ZNF106: variants seen among roughly 807,000 people sequenced by gnomAD.
The protein encoded by ZNF106 is SH3-domain binding protein 3.
Under a neutral mutation model 195.1 loss-of-function variants are expected in ZNF106, and 67 were observed. The ratio of observed to expected loss-of-function variants is 0.34; its 90% CI spans 0.28 to 0.42. The LOEUF (loss-of-function observed/expected upper bound fraction) is 0.42. ZNF106 is among the 10% of genes least tolerant of loss of function. The pLI is 1.00. For missense variants in ZNF106, 2,118 were observed against 2,304.5 expected (o/e 0.92, Z 1.66); for synonymous variants, 784 against 818.6 (o/e 0.96, Z 0.72).
chr15:42,477,135 A>G (rs187248532), intron 1 of ZNF106, among the ~76,000 whole-genome samples: 10 of 152,124 alleles, frequency 6.6e-5, no homozygotes, highest in Non-Finnish European at 1.5e-4. Flanking sequence ...CTTTTCAAAG[A>G]CCAGTTTTGT....
rs546538541 is a variant in ZNF106, at chr15:42,431,454, G to A, written c.4882-3320C>T. On this transcript the variant is annotated intron_variant, in intron 14 of 21. Transcript: ENST00000564754. Reference sequence around the variant, plus strand: ...GTTGCCCAGGCTGGAGTACAGTGGTGCAAATCTCAGCTCACTGCAACCTCC... The same window carrying A: ...GTTGCCCAGGCTGGAGTACAGTGGTACAAATCTCAGCTCACTGCAACCTCC... 2.7e-5 allele frequency among the ~76,000 whole-genome samples: 4 copies of A among 148,932 alleles called. No homozygotes were observed. In the South Asian group the frequency reaches 8.5e-4, roughly 32 times the overall value.
chr15:42,444,259 T>C lies in ZNF106; in HGVS notation c.3364A>G (p.Thr1122Ala). The stretch of plus-strand genomic sequence containing the variant: ...GTCCTCAGTGCACTCATCTCCATAG[T>C]TATCTAAAAATAAAGTATTTTATTA... ...QRLLMLKQQI[T>A]MEMSALRTHR... Residue 1122 changes from threonine (T) to alanine (A), a missense_variant, in exon 9 of 22, where the codon ACT becomes GCT. Physicochemically the swap from Thr to Ala is moderately conservative, Grantham distance 58. Transcript: ENST00000564754. 6.2e-7 allele frequency: 1 copy of C among 1,606,896 alleles called. No individual in the cohort carries two copies. The highest frequency in any genetic ancestry group is 8.5e-7 in the Non-Finnish European group (1 of 1,175,154).
At chr15:42,427,779 C>T (rs965007411) in intron 15 of ZNF106, 8 of 342,772 alleles carry the variant, frequency 2.3e-5, no homozygotes, top group Middle Eastern at 8.8e-4. Context: ...CCCAAATCTT[C>T]AGACTTGGTT....
At chr15:42,431,693 C>T (rs1307782674) in intron 14 of ZNF106, among the ~76,000 whole-genome samples, 1 of 152,122 alleles carries the variant, frequency 6.6e-6, no homozygotes, top group Non-Finnish European at 1.5e-5. Flanking sequence ...AGGCTGGTCT[C>T]AAACTCCTGA....
rs138735547 is a variant in ZNF106, at chr15:42,466,853, G to A, written c.55-739C>T. The stretch of plus-strand genomic sequence containing the variant: ...AGCTGCCACTTAAAAACATGCACAC[G>A]GCTGGGCGTGGTGGGTCACACCTGT... On this transcript the variant is annotated intron_variant, in intron 2 of 21. Coordinates refer to ENST00000564754, the MANE Select transcript of ZNF106 (RefSeq NM_001366845.3). Among the ~76,000 whole-genome samples the A allele has an allele frequency of 8.5e-3, 1,293 of 152,144 alleles. 6 individuals are homozygous for A. Among genetic ancestry groups the A allele is most frequent in the Non-Finnish European group, 0.011 (763 of 68,016 alleles).
chr15:42,475,915 T>G (rs184227249), intron 1 of ZNF106, among the ~76,000 whole-genome samples: 61 of 152,188 alleles, frequency 4.0e-4, no homozygotes, highest in African/African-American at 1.4e-3. Flanking sequence ...ACTGTGGAGT[T>G]TTTATATATT....
chr15:42,424,243 T>G, intron 16 of ZNF106, 183 bp from the exon 17 acceptor site: 1 of 559,990 alleles, frequency 1.8e-6, no homozygotes. Flanking sequence ...CCAAGCATGC[T>G]AATGAACTGA....
intron 2 of ZNF106, among the ~76,000 whole-genome samples, chr15:42,466,959 C>A (rs995944700): frequency 6.6e-6 from 1 of 151,952 alleles, no homozygotes; most frequent in African/African-American, 2.4e-5. Context: ...ATGATGAAAC[C>A]CCGTCTCTAC....
intron 14 of ZNF106, among the ~76,000 whole-genome samples, chr15:42,434,931 G>A (rs1486272364): frequency 1.3e-5 from 2 of 152,050 alleles, no homozygotes; most frequent in Non-Finnish European, 2.9e-5. Flanking sequence ...GCACCACCAT[G>A]CCTGGCTAAT....
chr15:42,419,037 G>A (rs1168066679), intron 20 of ZNF106, among the ~76,000 whole-genome samples: 1 of 142,252 alleles, frequency 7.0e-6, no homozygotes, highest in Non-Finnish European at 1.5e-5. Flanking sequence ...ACCAGCCTGG[G>A]CAACATAGTG....
chr15:42,466,598 T>G (rs1440563740), intron 2 of ZNF106, among the ~76,000 whole-genome samples: 1 of 152,216 alleles, frequency 6.6e-6, no homozygotes, highest in African/African-American at 2.4e-5. Context: ...TGAATGAATA[T>G]AGATGGATAC....
At position 42,421,987 on chromosome 15, in the gene ZNF106, G is replaced by T; in HGVS notation, c.5375C>A (p.Ser1792Tyr). The T allele has an allele frequency of 6.4e-7, 1 of 1,569,482 alleles. No individual in the cohort carries two copies. ...DKFVRVYELQ[S>Y]HDRLQVYGGH... ...TCCATAAACTTGTAATCGATCATGA[G>T]ACTTAGGCAGAAAAAAAAAAAGAGA... Residue 1792 changes from serine (S) to tyrosine (Y), a missense_variant and splice_region_variant, in exon 19 of 22, where the codon TCT (serine) becomes TAT (tyrosine). Coordinates refer to ENST00000564754, the MANE Select transcript of ZNF106 (RefSeq NM_001366845.3).
chr15:42,442,463 A>C, intron 9 of ZNF106, 49 bp from the exon 10 acceptor site: 1 of 1,490,636 alleles, frequency 6.7e-7, no homozygotes, highest in Admixed American at 2.1e-5. Context: ...GTTATCTGAA[A>C]AGTCATTTGT....
rs765918218 is a variant in ZNF106 at position 42,451,183 on chromosome 15, A to G, written c.1089T>C (p.Ser363=). Residue 363 remains serine (S), a synonymous_variant, in exon 5 of 22, where the codon AGT becomes AGC. Transcript: ENST00000564754. ...AGCGACGAGGCTTTTCCCTTGCCGC[A>G]CTGCCATTCTTTCCACTAACTTTGG... The part of the protein sequence containing the change: ...ATSKVSGKNG[S]AAREKPRRWT... 4 of 1,614,038 alleles carry G rather than the reference A, an allele frequency of 2.5e-6. No homozygotes were observed. The highest frequency in any genetic ancestry group is 1.7e-6 in the Non-Finnish European group (2 of 1,180,032).
At chr15:42,476,360 A>G (rs2056785075) in intron 1 of ZNF106, among the ~76,000 whole-genome samples, 1 of 152,226 alleles carries the variant, frequency 6.6e-6, no homozygotes, top group Admixed American at 6.5e-5. Context: ...AGGCCCTGAC[A>G]AAGACTAGAA....
rs878984643 is a variant in ZNF106 at position 42,435,582 on chromosome 15, C to T, written c.4747-64G>A. 12 of 1,593,798 alleles carry T rather than the reference C, an allele frequency of 7.5e-6. No homozygotes were observed. In the South Asian group the frequency reaches 1.2e-4, roughly 16 times the overall value. ...TATAGGAGGATTAGATAATATATTT[C>T]CTCAACAAAAAGATGCTAAAACATT... is the stretch of plus-strand genomic sequence containing the variant. On this transcript the variant is annotated intron_variant, in intron 13 of 21. Coordinates refer to ENST00000564754, the MANE Select transcript of ZNF106 (RefSeq NM_001366845.3).
At chr15:42,439,880 ACT>A (rs979955367) in intron 10 of ZNF106, 67 bp from the exon 11 acceptor site, 43 of 1,424,972 alleles carry the variant, frequency 3.0e-5, no homozygotes, top group Non-Finnish European at 3.9e-5. Context: ...ACTGACTGAA[ACT>A]CTACCAAATA....
intron 1 of ZNF106, among the ~76,000 whole-genome samples, chr15:42,480,557 T>C (rs987895737): frequency 2.0e-5 from 3 of 152,242 alleles, no homozygotes; most frequent in Non-Finnish European, 2.9e-5. Context: ...TTCTGTCTTG[T>C]TTGGATTATT....
At chr15:42,466,968 A>G (rs2056532801) in intron 2 of ZNF106, among the ~76,000 whole-genome samples, 2 of 152,238 alleles carry the variant, frequency 1.3e-5, no homozygotes, top group South Asian at 2.1e-4. Context: ...CCCCGTCTCT[A>G]CTAAAAATAC....
Sources: allele counts gnomAD v4.1 joint callset (sites outside exome capture counted in the v4.1 genomes callset), GRCh38; gene constraint gnomAD v4.1.1; transcripts MANE v1.5; gene names NCBI Gene and HGNC (gene_info 2026-07-23, HGNC 2026-07-21).